PLAGL1: variants seen among roughly 807,000 people sequenced by gnomAD.
PLAGL1 encodes the protein zinc finger protein PLAGL1.
PLAGL1 carries 1 observed loss-of-function variant against 4.6 expected under a neutral mutation model. The ratio of observed to expected loss-of-function variants is 0.22; its 90% CI spans 0.08 to 1.03. The LOEUF (loss-of-function observed/expected upper bound fraction) is 1.03. Ranked by LOEUF, PLAGL1 falls within the 50% of genes least tolerant of loss-of-function variation. PLAGL1 has a pLI of 0.58. For missense variants in PLAGL1, 464 were observed against 570.4 expected (o/e 0.81, Z 1.90); for synonymous variants, 240 against 237.8 (o/e 1.01, Z -0.08).
At chr6:144,023,466 G>T (rs1228384221) in intron 1 of PLAGL1, among the ~76,000 whole-genome samples, 2 of 152,110 alleles carry the variant, frequency 1.3e-5, no homozygotes, top group East Asian at 3.8e-4. Flanking sequence ...TCATTGAAGG[G>T]GGGCTGGGGA....
chr6:143,988,206 C>T (rs950766160), intron 1 of PLAGL1, among the ~76,000 whole-genome samples: 3 of 152,210 alleles, frequency 2.0e-5, no homozygotes, highest in African/African-American at 7.2e-5. Context: ...CTCAGTGGTT[C>T]ACCATTCTAG....
At position 143,997,246 on chromosome 6, in the gene PLAGL1, T is replaced by A. The variant is rs1453919846; in HGVS notation, c.-584+10844A>T. Among the ~76,000 whole-genome samples, 3 of 152,214 alleles carry A rather than the reference T, an allele frequency of 2.0e-5. No homozygotes were observed. In the East Asian group the frequency reaches 5.8e-4, roughly 29 times the overall value. On this transcript the variant is annotated intron_variant, in intron 1 of 7. Transcript: ENST00000674357. This position sits in a 1 kb window ranked among gnomAD's most constrained non-coding sequence, Gnocchi z 4.6. ...CATATGCATTCAGTTTTGTAAACTG[T>A]TTGGCTCCCCTATGGCCTAACAATT...
rs1431723173 is a variant in PLAGL1, at chr6:143,947,970, G to A, written c.152+15C>T. 5 of 1,609,480 alleles carry A rather than the reference G, an allele frequency of 3.1e-6. No individual in the cohort carries two copies. In the African/African-American group the frequency reaches 4.0e-5, roughly 13 times the overall value. On this transcript the variant is annotated intron_variant, in intron 7 of 7. Coordinates refer to ENST00000674357, the MANE Select transcript of PLAGL1 (RefSeq NM_001317162.2). The surrounding 1 kb of genome is among the most constrained non-coding windows in gnomAD (Gnocchi z 4.3). ...CGTACTTCTAAAAGTGCATACCTTT[G>A]CCAAAGCCTCTCACCTCATCAATTT...
chr6:143,955,309 A>G lies in PLAGL1; in HGVS notation c.-325+5160T>C, dbSNP rs1233450949. Among the ~76,000 whole-genome samples the G allele has an allele frequency of 1.3e-5, 2 of 152,242 alleles. No homozygotes were observed. Among genetic ancestry groups the G allele is most frequent in the Non-Finnish European group, 2.9e-5 (2 of 68,044 alleles). On this transcript the variant is annotated intron_variant, in intron 6 of 7. Coordinates refer to ENST00000674357, the MANE Select transcript of PLAGL1 (RefSeq NM_001317162.2). The surrounding 1 kb of genome is among the most constrained non-coding windows in gnomAD (Gnocchi z 4.9). ...CACCTGGAGAATAAGTGGTTCAGTA[A>G]GACTGGAATACAGGTGCAGATGTGG... is the stretch of plus-strand genomic sequence containing the variant.
chr6:144,019,329 A>G (rs751721114), intron 1 of PLAGL1, among the ~76,000 whole-genome samples: 4 of 152,058 alleles, frequency 2.6e-5, no homozygotes, highest in Non-Finnish European at 5.9e-5. Flanking sequence ...AAAATTGGCC[A>G]GGCATGGTGG....
At position 143,953,264 on chromosome 6, in the gene PLAGL1, C is replaced by T. The variant is rs1049965932; in HGVS notation, c.-324-4804G>A. ...TTTATCCTCATTGTAGGAAGCACTA[C>T]CTGCCCTTCTATTCTGCTCTGAGAG... On this transcript the variant is annotated intron_variant, in intron 6 of 7. Transcript: ENST00000674357. This position sits in a 1 kb window ranked among gnomAD's most constrained non-coding sequence, Gnocchi z 5.3. Among the ~76,000 whole-genome samples, 1 of 152,236 alleles carries T rather than the reference C, an allele frequency of 6.6e-6. No homozygotes were observed. Among genetic ancestry groups the T allele is most frequent in the Non-Finnish European group, 1.5e-5 (1 of 68,054 alleles).
intron 1 of PLAGL1, among the ~76,000 whole-genome samples, chr6:144,042,393 G>A (rs1221841919): frequency 1.3e-5 from 2 of 152,092 alleles, no homozygotes; most frequent in Admixed American, 1.3e-4. Flanking sequence ...TCTCCATATG[G>A]CTAGCCAGTT....
Position 144,050,717 on chromosome 6 carries a change from C to T in PLAGL1, c.-151+13751G>A, listed in dbSNP as rs1252956771. Among the ~76,000 whole-genome samples the T allele has an allele frequency of 6.6e-6, 1 of 152,072 alleles. No homozygotes were observed. Among genetic ancestry groups the T allele is most frequent in the African/African-American group, 2.4e-5 (1 of 41,390 alleles). The stretch of plus-strand genomic sequence containing the variant: ...CCAACCTGGGAAACATAGTGAGACC[C>T]TGTTTCTACAAAAAAAAATTTTTTT... On this transcript the variant is annotated intron_variant, in intron 1 of 3. Coordinates refer to the PLAGL1 transcript ENST00000437412. The surrounding 1 kb of genome is among the most constrained non-coding windows in gnomAD (Gnocchi z 4.3).
rs947263130 is a variant in PLAGL1 at position 144,036,903 on chromosome 6, G to A, written c.-151+27565C>T. The A allele has an allele frequency of 2.0e-5, 5 of 244,530 alleles. No individual in the cohort carries two copies. Among genetic ancestry groups the A allele is most frequent in the South Asian group, 5.4e-5 (1 of 18,618 alleles). 15.1% of individuals were successfully genotyped at this position (244,530 alleles called of 1,614,324 possible). On this transcript the variant is annotated intron_variant, in intron 1 of 3. Transcript: ENST00000437412. The surrounding 1 kb of genome is among the most constrained non-coding windows in gnomAD (Gnocchi z 5.1). ...TGTTGGACAAATCATAAAAGGACCAGACATTGCTGTGATGAATTATATGCC... is the reference window on the plus strand; with the variant it reads ...TGTTGGACAAATCATAAAAGGACCAAACATTGCTGTGATGAATTATATGCC...
At position 144,034,869 on chromosome 6, in the gene PLAGL1, C is replaced by G. The variant is rs1262584013; in HGVS notation, c.-151+29599G>C. ...GCTTTGTTTAACATCACTGAGTAGA[C>G]TAATACTCCTCCCAGAGCCTGATCT... On this transcript the variant is annotated intron_variant, in intron 1 of 3. Transcript: ENST00000437412. This position sits in a 1 kb window ranked among gnomAD's most constrained non-coding sequence, Gnocchi z 4.7. Among the ~76,000 whole-genome samples the G allele has an allele frequency of 6.6e-6, 1 of 152,162 alleles. No individual in the cohort carries two copies. The highest frequency in any genetic ancestry group is 1.9e-4 in the East Asian group (1 of 5,204).
rs1554277778 is a variant in PLAGL1, at chr6:144,027,292, A to AAAGTAAGT, written c.-151+37175_-151+37176insACTTACTT. ...GAAAGAAAGAAAGAAAGAAAGAAAG[A>AAAGTAAGT]AAGTTATTTGATCTGAAGTACAATG... is the stretch of plus-strand genomic sequence containing the variant. On this transcript the variant is annotated intron_variant, in intron 1 of 3. Coordinates refer to the PLAGL1 transcript ENST00000437412. The surrounding 1 kb of genome is among the most constrained non-coding windows in gnomAD (Gnocchi z 5.8). Among the ~76,000 whole-genome samples the AAAGTAAGT allele has an allele frequency of 1.4e-5, 2 of 142,600 alleles. No individual in the cohort carries two copies. The highest frequency in any genetic ancestry group is 7.4e-5 in the Admixed American group (1 of 13,554). 93.6% of individuals were successfully genotyped at this position (142,600 alleles called of 152,430 possible). A position where few individuals can be genotyped will look rare whatever the true frequency, so the allele number is the denominator to read the frequency against.
At chr6:144,030,112 G>A (rs551239026) in intron 1 of PLAGL1, among the ~76,000 whole-genome samples, 70 of 151,848 alleles carry the variant, frequency 4.6e-4, no homozygotes, top group African/African-American at 1.6e-3. Context: ...AAAATTAGCC[G>A]GGCGTGGTGG....
rs992922760 is a variant in PLAGL1 at position 144,055,949 on chromosome 6, CT to C, written c.-151+8518del. Among the ~76,000 whole-genome samples the C allele has an allele frequency of 2.2e-4, 33 of 152,096 alleles. No individual in the cohort carries two copies. The highest frequency in any genetic ancestry group is 3.7e-4 in the Non-Finnish European group (25 of 67,998). ...CAAAAGCTCATAAAATAGTAGTGCT[CT>C]TACTTTTGAAAGCAGATCCACCCTT... On this transcript the variant is annotated intron_variant, in intron 1 of 3. Coordinates refer to the PLAGL1 transcript ENST00000437412. The surrounding 1 kb of genome is among the most constrained non-coding windows in gnomAD (Gnocchi z 5.0).
chr6:144,057,615 T>C (rs533671856), intron 1 of PLAGL1, among the ~76,000 whole-genome samples: 1 of 152,258 alleles, frequency 6.6e-6, no homozygotes, highest in East Asian at 1.9e-4. Flanking sequence ...TACATTCCCT[T>C]CAATCTTTCT....
chr6:143,999,328 C>A (rs1583565022), intron 1 of PLAGL1, among the ~76,000 whole-genome samples: 1 of 152,170 alleles, frequency 6.6e-6, no homozygotes, highest in South Asian at 2.1e-4. Context: ...CCCAAGCCAA[C>A]AAAACACATT....
At chr6:143,980,797 A>G (rs188076519) in intron 2 of PLAGL1, among the ~76,000 whole-genome samples, 1 of 152,282 alleles carries the variant, frequency 6.6e-6, no homozygotes, top group Admixed American at 6.5e-5. Flanking sequence ...TGGGTGCTGG[A>G]TATTTTGTAT....
chr6:143,949,039 T>G lies in PLAGL1; in HGVS notation c.-324-579A>C, dbSNP rs914126340. 2.0e-5 allele frequency among the ~76,000 whole-genome samples: 3 copies of G among 152,250 alleles called. No individual in the cohort carries two copies. Among genetic ancestry groups the G allele is most frequent in the Non-Finnish European group, 4.4e-5 (3 of 68,046 alleles). ...CAGAATGTGCATGAAGCTAGTCTAG[T>G]CTAGTTGCACTGATGTGGTGGCACA... On this transcript the variant is annotated intron_variant, in intron 6 of 7. Transcript: ENST00000674357. This position sits in a 1 kb window ranked among gnomAD's most constrained non-coding sequence, Gnocchi z 5.3.
intron 1 of PLAGL1, among the ~76,000 whole-genome samples, chr6:144,057,958 A>G (rs2128729845): frequency 6.6e-6 from 1 of 152,302 alleles, no homozygotes; most frequent in Middle Eastern, 3.4e-3. Flanking sequence ...ACCATCTCTA[A>G]TAAGATTGAC....
intron 1 of PLAGL1, among the ~76,000 whole-genome samples, chr6:144,051,922 A>C (rs1417789376): frequency 6.6e-6 from 1 of 152,254 alleles, no homozygotes; most frequent in African/African-American, 2.4e-5. Flanking sequence ...ATTCAAGATG[A>C]AATTTGGGTG....
Sources: gnomAD v4.1 joint callset for allele counts (sites outside exome capture counted in the v4.1 genomes callset) on GRCh38, gnomAD v4.1.1 for gene constraint, Gnocchi (gnomAD v3.1) non-coding constraint, MANE v1.5 for transcripts, NCBI Gene and HGNC (gene_info 2026-07-23, HGNC 2026-07-21) for gene names.